IYD: variants seen among roughly 807,000 people sequenced by gnomAD.
IYD encodes iodotyrosine deiodinase, also known as iodotyrosine deiodinase 1.
In IYD, 25 loss-of-function variants were observed where a neutral mutation model predicts 28.4. The ratio of observed to expected loss-of-function variants is 0.88; its 90% CI spans 0.64 to 1.23. IYD has a LOEUF of 1.23. Among genes scored for constraint, IYD ranks in the 50% most tolerant of loss-of-function variants. The pLI is 0.00. For missense variants in IYD, 352 were observed against 357.9 expected, an observed-to-expected ratio of 0.98 and a Z score of 0.13; for synonymous variants, 140 against 130.8, an observed-to-expected ratio of 1.07 and a Z score of -0.48.
chr6:150,374,847 G>A (rs916186435), intron 1 of IYD, among the ~76,000 whole-genome samples: 5 of 152,176 alleles, frequency 3.3e-5, no homozygotes, highest in African/African-American at 1.2e-4. Context: ...TTACTTGGGT[G>A]CCATATGACC....
chr6:150,392,641 A>T (rs1043150525), intron 3 of IYD, 137 bp downstream of exon 3: 2 of 880,508 alleles, frequency 2.3e-6, no homozygotes, highest in Non-Finnish European at 3.7e-6. Flanking sequence ...TACGGAAGTT[A>T]AGTCCGGGCT....
chr6:150,389,646 G>A, intron 2 of IYD, 103 bp downstream of exon 2: 2 of 1,036,758 alleles, frequency 1.9e-6, no homozygotes, highest in South Asian at 2.5e-5. Context: ...ATAAAGCCTA[G>A]AGTGATATGT....
intron 1 of IYD, chr6:150,369,871 CA>C: frequency 1.5e-6 from 1 of 667,776 alleles, no homozygotes; most frequent in South Asian, 1.6e-5. Context: ...GCCAAAGGAG[CA>C]GAAGCACCTG....
chr6:150,387,567 A>AATGTATAT (rs1188592170), intron 1 of IYD, among the ~76,000 whole-genome samples: 22 of 152,212 alleles, frequency 1.4e-4, no homozygotes, highest in African/African-American at 5.3e-4. Context: ...CAAATGATCA[A>AATGTATAT]ATGTATATTA....
At chr6:150,383,396 G>C (rs1289725736) in intron 1 of IYD, among the ~76,000 whole-genome samples, 1 of 152,080 alleles carries the variant, frequency 6.6e-6, no homozygotes, top group Non-Finnish European at 1.5e-5. Context: ...AATACTCTGG[G>C]CATTTGAATG....
chr6:150,392,227 T>A, intron 2 of IYD, 118 bp from the exon 3 acceptor site: 2 of 1,545,484 alleles, frequency 1.3e-6, no homozygotes, highest in Non-Finnish European at 1.7e-6. Context: ...AAATTTTGTT[T>A]GATCCTCCAG....
rs1216914856 is a variant in IYD, at chr6:150,402,009, G to C, written c.*3772G>C. 1 of 152,228 alleles carries C rather than the reference G, an allele frequency of 6.6e-6. No individual in the cohort carries two copies. Among genetic ancestry groups the C allele is most frequent in the Non-Finnish European group, 1.5e-5 (1 of 68,044 alleles). The allele number at this position is 152,228 out of a possible 1,614,324, so 9.4% of individuals were successfully genotyped here. On this transcript the variant is annotated 3_prime_UTR_variant, in exon 5 of 5. Transcript: ENST00000344419. ...ATTGTGTGATTCAGTATTGCTGGGT[G>C]GTGCCCAAATGCTCCAGTTCTAATG...
At position 150,394,258 on chromosome 6, in the gene IYD, A is replaced by G. The variant is rs375985217; in HGVS notation, c.687+3A>G. ...GCATCCTGCTAGCTGCCCTGCAGGT[A>G]TGTTGAGACATCAAGGGTTACAGGG... On this transcript the variant is annotated splice_donor_region_variant and intron_variant, in intron 4 of 4. Coordinates refer to ENST00000344419, the MANE Select transcript of IYD (RefSeq NM_203395.3). 1.1e-5 allele frequency: 18 copies of G among 1,613,956 alleles called. No homozygotes were observed. The highest frequency in any genetic ancestry group is 1.4e-5 in the Non-Finnish European group (16 of 1,179,930).
intron 1 of IYD, among the ~76,000 whole-genome samples, chr6:150,380,239 C>G (rs1777598948): frequency 6.6e-6 from 1 of 152,074 alleles, no homozygotes; most frequent in Non-Finnish European, 1.5e-5. Context: ...AACCTGAAAA[C>G]TTGTTTTTTC....
At chr6:150,370,422 T>G in intron 1 of IYD, 87 of 853,206 alleles carry the variant, frequency 1.0e-4, no homozygotes, top group Non-Finnish European at 1.2e-4. Flanking sequence ...TGCGTGCGCA[T>G]GAGTGTGTTT....
chr6:150,397,431 A>T (rs751204929), intron 4 of IYD, among the ~76,000 whole-genome samples: 1 of 151,964 alleles, frequency 6.6e-6, no homozygotes, highest in Non-Finnish European at 1.5e-5. Flanking sequence ...ATAGCCAGGC[A>T]TGGTGGTGCA....
intron 1 of IYD, among the ~76,000 whole-genome samples, chr6:150,388,138 G>C (rs1777947262): frequency 6.6e-6 from 1 of 152,160 alleles, no homozygotes; most frequent in Admixed American, 6.5e-5. Context: ...GTACTTTCAG[G>C]CAGGACAAGT....
chr6:150,394,065 C>T lies in IYD; in HGVS notation c.531-34C>T, dbSNP rs747953547. The T allele has an allele frequency of 2.1e-5, 33 of 1,608,182 alleles. No homozygotes were observed. The East Asian group carries it at 6.9e-4, about 34-fold the overall frequency. On this transcript the variant is annotated intron_variant, in intron 3 of 4. Transcript: ENST00000344419. ...AGTAAAAGAGAACAAAAAATATGGG[C>T]AAATATTATCCTGAATCTCTTTTCT...
intron 2 of IYD, among the ~76,000 whole-genome samples, chr6:150,390,804 G>A (rs902558640): frequency 3.3e-5 from 5 of 152,150 alleles, no homozygotes; most frequent in African/African-American, 4.8e-5. Flanking sequence ...CAGGAATTGA[G>A]GCTCCTTGGA....
chr6:150,387,661 CTAAG>C (rs1777927056), intron 1 of IYD, among the ~76,000 whole-genome samples: 1 of 151,994 alleles, frequency 6.6e-6, no homozygotes, highest in Admixed American at 6.6e-5. Context: ...TTGCCCAATT[CTAAG>C]TGTTTTCTTC....
chr6:150,380,428 A>G (rs1453687053), intron 1 of IYD, among the ~76,000 whole-genome samples: 1 of 152,210 alleles, frequency 6.6e-6, no homozygotes, highest in African/African-American at 2.4e-5. Flanking sequence ...TATAAAACAG[A>G]TCAACTTTAG....
intron 1 of IYD, chr6:150,384,908 C>A (rs1156809186): frequency 6.6e-6 from 1 of 152,166 alleles, no homozygotes; most frequent in Non-Finnish European, 1.5e-5. Flanking sequence ...GCACTAGACA[C>A]ATCATCCTTC....
intron 1 of IYD, among the ~76,000 whole-genome samples, chr6:150,372,030 G>A (rs980407483): frequency 2.6e-5 from 4 of 152,164 alleles, no homozygotes; most frequent in East Asian, 1.9e-4. Flanking sequence ...AGAAGAGAAC[G>A]GACTCCTTTA....
At chr6:150,396,236 C>T in intron 4 of IYD, 1 of 369,552 alleles carries the variant, frequency 2.7e-6, no homozygotes, top group Non-Finnish European at 4.8e-6. Context: ...TGCTAAATTT[C>T]AGTTAGATGT....
Sources: allele counts gnomAD v4.1 joint callset (sites outside exome capture counted in the v4.1 genomes callset), GRCh38; gene constraint gnomAD v4.1.1; transcripts MANE v1.5; gene names NCBI Gene and HGNC (gene_info 2026-07-23, HGNC 2026-07-21).